Variants in ZBED6 observed in about 807,000 individuals in gnomAD.
The protein encoded by ZBED6 is zinc finger BED-type containing 6, also known as zinc finger BED domain-containing protein 6.
ZBED6 carries 40 observed loss-of-function variants against 58.4 expected under a neutral mutation model. That is an observed-to-expected ratio of 0.68 (90% CI 0.53 to 0.89). The LOEUF (loss-of-function observed/expected upper bound fraction) is 0.89, where lower values mean the gene tolerates loss of function less well. Ranked by LOEUF, ZBED6 falls within the 40% of genes least tolerant of loss-of-function variation. ZBED6 has a pLI of 0.00. For missense variants in ZBED6, 1,057 were observed against 1,003.9 expected (o/e 1.05, Z -0.71); for synonymous variants, 439 against 350.6 (o/e 1.25, Z -2.82).
intron 8 of ZBED6, 59 bp from the exon 9 acceptor site, chr1:203,833,731 TA>T: frequency 6.9e-7 from 1 of 1,452,980 alleles, no homozygotes; most frequent in Non-Finnish European, 9.5e-7. Flanking sequence ...TACCCATTAG[TA>T]GTTACTGAAT....
rs552494821 is a variant in ZBED6 at position 203,799,700 on chromosome 1, C to G, written c.2178C>G (p.Leu726=). ...ATCTACTCCTTTCCCTGCAGAAACT[C>G]AGAGAAGATTTTCAAGTCAGAGGTA... is the stretch of plus-strand genomic sequence containing the variant. The change falls in exon 1 of 17, where the codon CTC becomes CTG. Residue 726 remains leucine, a synonymous_variant. Coordinates refer to ENST00000550078, the Ensembl canonical transcript of ZBED6. 5 of 716,228 alleles carry G rather than the reference C, an allele frequency of 7.0e-6. No individual in the cohort carries two copies. The Admixed American group carries it at 1.0e-4, about 14-fold the overall frequency. 44.4% of individuals were successfully genotyped at this position (716,228 alleles called of 1,614,324 possible). A position where few individuals can be genotyped will look rare whatever the true frequency, so the allele number is the denominator to read the frequency against.
chr1:203,845,449 A>G (rs1687622684), intron 11 of ZBED6, among the ~76,000 whole-genome samples: 1 of 152,238 alleles, frequency 6.6e-6, no homozygotes, highest in African/African-American at 2.4e-5. Context: ...GTACCTAAAT[A>G]CAGTCGTTGT....
Position 203,798,533 on chromosome 1 carries a change from TGA to T in ZBED6, c.1016_1017del (p.Arg339LysfsTer2). 6.5e-7 allele frequency: 1 copy of T among 1,536,132 alleles called. No individual in the cohort carries two copies. The highest frequency in any genetic ancestry group is 2.4e-5 in the East Asian group (1 of 40,922). On this transcript the variant is annotated frameshift_variant, in exon 1 of 17. Transcript: ENST00000550078. LOFTEE classifies it high-confidence loss of function. ...CAAATGGATTAGATGAAGCTGAGAC[TGA>T]GAGAAGTGATCTCTTGAGTGATACC...
chr1:203,796,841 T>C (rs1162363971), exon 1 of ZBED6: 1 of 165,496 alleles, frequency 6.0e-6, no homozygotes, highest in Non-Finnish European at 1.3e-5. Flanking sequence ...CTCAAAGCAT[T>C]TTTTTCCAGC....
exon 1 of ZBED6, chr1:203,795,794 G>A (rs1304771993): frequency 6.6e-6 from 1 of 152,152 alleles, no homozygotes; most frequent in Non-Finnish European, 1.5e-5. Context: ...TCTGTTCTCT[G>A]GTAACTAGAC....
At chr1:203,826,420 A>C (rs1306568045) in intron 3 of ZBED6, among the ~76,000 whole-genome samples, 2 of 151,884 alleles carry the variant, frequency 1.3e-5, no homozygotes, top group African/African-American at 4.8e-5. Flanking sequence ...AAATATTAAT[A>C]GGTAATTATG....
At chr1:203,827,555 A>G (rs1288890234) in intron 3 of ZBED6, among the ~76,000 whole-genome samples, 1 of 151,826 alleles carries the variant, frequency 6.6e-6, no homozygotes, top group Non-Finnish European at 1.5e-5. Flanking sequence ...GGTGGCAGGC[A>G]CCTGTAGTCC....
At chr1:203,838,953 T>TA (rs1685208300) in intron 10 of ZBED6, among the ~76,000 whole-genome samples, 1 of 19,822 alleles carries the variant, frequency 5.0e-5, no homozygotes, top group Non-Finnish European at 1.3e-4. Context: ...AGACTTCATC[T>TA]CAAAAAAAAA....
intron 1 of ZBED6, among the ~76,000 whole-genome samples, chr1:203,815,883 A>C (rs918492842): frequency 5.3e-5 from 8 of 152,174 alleles, no homozygotes; most frequent in Admixed American, 1.3e-4. Context: ...ATGCTTTTGT[A>C]GAAGCTTGCT....
At chr1:203,834,040 G>C (rs1683385374) in intron 9 of ZBED6, 187 bp downstream of exon 9, 1 of 1,258,548 alleles carries the variant, frequency 7.9e-7, no homozygotes, top group African/African-American at 1.5e-5. Context: ...GATTTAAAGT[G>C]TTACAATTGA....
chr1:203,851,038 C>G lies in ZBED6; in HGVS notation c.*4806-19C>G. 6.2e-7 allele frequency: 1 copy of G among 1,613,368 alleles called. No individual in the cohort carries two copies. Among genetic ancestry groups the G allele is most frequent in the Non-Finnish European group, 8.5e-7 (1 of 1,179,780 alleles). The stretch of plus-strand genomic sequence containing the variant: ...AAAAGCCTGACTCTCACTGAATTAC[C>G]TGACTCTTCCTTTTGTAGGCTGTTG... On this transcript the variant is annotated intron_variant, in intron 15 of 16. Coordinates refer to ENST00000550078, the Ensembl canonical transcript of ZBED6.
chr1:203,810,240 T>G (rs56311694), intron 1 of ZBED6, among the ~76,000 whole-genome samples: 1 of 151,802 alleles, frequency 6.6e-6, no homozygotes, highest in Non-Finnish European at 1.5e-5. Flanking sequence ...TCTCTCAAAG[T>G]GTTAGGATTA....
intron 10 of ZBED6, 117 bp downstream of exon 10, chr1:203,838,181 GTTATA>G (rs1237750798): frequency 1.9e-5 from 18 of 962,812 alleles, no homozygotes; most frequent in South Asian, 1.7e-5. Context: ...TCTTGTATTT[GTTATA>G]TTATTCACTC....
intron 3 of ZBED6, among the ~76,000 whole-genome samples, chr1:203,819,249 TCTCA>T (rs1240668669): frequency 1.4e-5 from 2 of 146,846 alleles, no homozygotes; most frequent in African/African-American, 5.0e-5. Context: ...TGAAACGGAG[TCTCA>T]CTCTGTCGCC....
chr1:203,799,019 T>A, exon 1 of ZBED6: 1 of 1,536,164 alleles, frequency 6.5e-7, no homozygotes, highest in Non-Finnish European at 8.7e-7. Context: ...TTATTGTGAC[T>A]GTACACTGGG....
chr1:203,837,576 G>C (rs867303557), intron 9 of ZBED6, among the ~76,000 whole-genome samples: 1 of 151,774 alleles, frequency 6.6e-6, no homozygotes, highest in Non-Finnish European at 1.5e-5. Context: ...CTGGGCTCAA[G>C]TGATCCTTCT....
At chr1:203,831,270 A>C (rs1447081403) in intron 7 of ZBED6, among the ~76,000 whole-genome samples, 1 of 152,086 alleles carries the variant, frequency 6.6e-6, no homozygotes, top group Non-Finnish European at 1.5e-5. Context: ...CCTTCTTTTA[A>C]GGCTTGCTTT....
At chr1:203,815,205 CCTTT>C (rs1466350237) in intron 1 of ZBED6, among the ~76,000 whole-genome samples, 1 of 63,410 alleles carries the variant, frequency 1.6e-5, no homozygotes, top group Non-Finnish European at 3.0e-5. Context: ...TTATTTTCTT[CCTTT>C]TCTTTTCTTT....
chr1:203,821,077 G>A (rs1678502468), intron 3 of ZBED6, among the ~76,000 whole-genome samples: 1 of 152,084 alleles, frequency 6.6e-6, no homozygotes, highest in African/African-American at 2.4e-5. Flanking sequence ...ATGTGTTAAG[G>A]GAGGGACCTG....
Sources: gnomAD v4.1 joint callset for allele counts (sites outside exome capture counted in the v4.1 genomes callset) on GRCh38, gnomAD v4.1.1 for gene constraint, MANE v1.5 for transcripts, NCBI Gene and HGNC (gene_info 2026-07-23, HGNC 2026-07-21) for gene names.